PCDHGA10: variants seen among roughly 807,000 people sequenced by gnomAD.
The protein encoded by PCDHGA10 is protocadherin gamma-A10.
A neutral mutation model predicts 59.5 loss-of-function variants in PCDHGA10; 42 were observed. The ratio of observed to expected loss-of-function variants is 0.71; its 90% CI spans 0.55 to 0.91. PCDHGA10 has a LOEUF of 0.91. Among genes scored for constraint, PCDHGA10 ranks in the 40% least tolerant of loss-of-function variants. The pLI is 0.00. For missense variants in PCDHGA10, 1,111 were observed against 1,198.2 expected (o/e 0.93, Z 1.07); for synonymous variants, 511 against 517.2 (o/e 0.99, Z 0.16).
chr5:141,475,978 G>C, intron 1 of PCDHGA10: 1 of 1,010,712 alleles, frequency 9.9e-7, no homozygotes, highest in Non-Finnish European at 1.4e-6. Context: ...AGACTGAACA[G>C]CCGGCGAGCA....
rs572892456 is a variant in PCDHGA10, at chr5:141,427,959, C to T, written c.2436+12348C>T. On this transcript the variant is annotated intron_variant, in intron 1 of 3. Coordinates refer to ENST00000398610, the MANE Select transcript of PCDHGA10 (RefSeq NM_018913.3). Reference sequence around the variant, plus strand: ...GGGCGACCTCAATGACAATGTGCCGCGGGTGCTGTACCCCGCGCTGGGGCC... The same window carrying T: ...GGGCGACCTCAATGACAATGTGCCGTGGGTGCTGTACCCCGCGCTGGGGCC... 3.8e-6 allele frequency: 6 copies of T among 1,588,886 alleles called. No individual in the cohort carries two copies. The East Asian group carries it at 1.1e-4, about 30-fold the overall frequency.
chr5:141,494,901 G>C, intron 2 of PCDHGA10, 36 bp downstream of exon 2: 1 of 1,614,050 alleles, frequency 6.2e-7, no homozygotes, highest in Non-Finnish European at 8.5e-7. Context: ...CCTCTTCTCT[G>C]CGGCATTTTC....
chr5:141,475,867 G>A (rs2099377217), intron 1 of PCDHGA10: 1 of 504,884 alleles, frequency 2.0e-6, no homozygotes, highest in Non-Finnish European at 3.5e-6. Flanking sequence ...CTCATTCTTC[G>A]TGCAGTTATT....
intron 1 of PCDHGA10, among the ~76,000 whole-genome samples, chr5:141,461,233 G>T (rs2099011336): frequency 6.6e-6 from 1 of 152,028 alleles, no homozygotes; most frequent in East Asian, 1.9e-4. Context: ...CATAGAGGTT[G>T]TACTAATTTA....
intron 1 of PCDHGA10, among the ~76,000 whole-genome samples, chr5:141,434,616 T>C (rs911085192): frequency 1.3e-5 from 2 of 152,204 alleles, no homozygotes; most frequent in East Asian, 1.9e-4. Context: ...TCCGCCCATC[T>C]CTTCGTTTCC....
In PCDHGA10 at chr5:141,489,705, C is replaced by G; in HGVS notation, c.2437-5102C>G. The G allele has an allele frequency of 6.2e-7, 1 of 1,614,022 alleles. No homozygotes were observed. The highest frequency in any genetic ancestry group is 1.1e-5 in the South Asian group (1 of 91,074). ...CATCTGGGGCACGATTCCCACTGGA[C>G]AGTGCCCAGGATCCGGATGTGGGCA... On this transcript the variant is annotated intron_variant, in intron 1 of 3. Coordinates refer to ENST00000398610, the MANE Select transcript of PCDHGA10 (RefSeq NM_018913.3). The surrounding 1 kb of genome is among the most constrained non-coding windows in gnomAD (Gnocchi z 4.5).
chr5:141,449,497 G>A (rs903338878), intron 1 of PCDHGA10, among the ~76,000 whole-genome samples: 4 of 149,856 alleles, frequency 2.7e-5, no homozygotes, highest in African/African-American at 9.9e-5. Flanking sequence ...GGTGAGGCAT[G>A]AGAAATGCTT....
At chr5:141,443,475 G>T (rs994058112) in intron 1 of PCDHGA10, among the ~76,000 whole-genome samples, 1 of 152,148 alleles carries the variant, frequency 6.6e-6, no homozygotes, top group African/African-American at 2.4e-5. Flanking sequence ...GACAGAATTA[G>T]ACCCTGTCCC....
chr5:141,476,596 C>T lies in PCDHGA10; in HGVS notation c.2437-18211C>T. 1 of 1,614,224 alleles carries T rather than the reference C, an allele frequency of 6.2e-7. No homozygotes were observed. Among genetic ancestry groups the T allele is most frequent in the Non-Finnish European group, 8.5e-7 (1 of 1,180,038 alleles). On this transcript the variant is annotated intron_variant, in intron 1 of 3. Coordinates refer to ENST00000398610, the MANE Select transcript of PCDHGA10 (RefSeq NM_018913.3). The surrounding 1 kb of genome is among the most constrained non-coding windows in gnomAD (Gnocchi z 7.6). The stretch of plus-strand genomic sequence containing the variant: ...CGCGCTTTCCGCTCGAGAGCGCGCA[C>T]GATCCCGATGTGGGAAGCAACTCTT...
chr5:141,427,924 G>T, intron 1 of PCDHGA10: 1 of 1,580,140 alleles, frequency 6.3e-7, no homozygotes, highest in Non-Finnish European at 8.7e-7. Flanking sequence ...ATGAGCCGGC[G>T]CATGTTGGTG....
chr5:141,489,283 G>A lies in PCDHGA10; in HGVS notation c.2437-5524G>A. The A allele has an allele frequency of 6.4e-7, 1 of 1,569,594 alleles. No homozygotes were observed. Among genetic ancestry groups the A allele is most frequent in the Admixed American group, 1.8e-5 (1 of 55,646 alleles). ...CCCACAGCTCGCTGGGAAATGGCAA[G>A]TGCTGTGCATGTTGTCCTTGTGCTG... On this transcript the variant is annotated intron_variant, in intron 1 of 3. Coordinates refer to ENST00000398610, the MANE Select transcript of PCDHGA10 (RefSeq NM_018913.3). This position sits in a 1 kb window ranked among gnomAD's most constrained non-coding sequence, Gnocchi z 4.5.
chr5:141,489,271 G>A lies in PCDHGA10; in HGVS notation c.2437-5536G>A, dbSNP rs1431562179. The A allele has an allele frequency of 2.4e-5, 37 of 1,554,676 alleles. No individual in the cohort carries two copies. The highest frequency in any genetic ancestry group is 3.0e-5 in the Non-Finnish European group (35 of 1,150,770). ...GCCCAAGACACTCCCACAGCTCGCT[G>A]GGAAATGGCAAGTGCTGTGCATGTT... On this transcript the variant is annotated intron_variant, in intron 1 of 3. Transcript: ENST00000398610. The surrounding 1 kb of genome is among the most constrained non-coding windows in gnomAD (Gnocchi z 4.5).
At chr5:141,419,751 C>T (rs140649685) in intron 1 of PCDHGA10, 1 of 1,613,900 alleles carries the variant, frequency 6.2e-7, no homozygotes, top group African/African-American at 1.3e-5. Flanking sequence ...ATGGTGCGTG[C>T]TTTGGGTGAC....
At chr5:141,495,257 A>T (rs1411983517) in intron 2 of PCDHGA10, among the ~76,000 whole-genome samples, 1 of 152,200 alleles carries the variant, frequency 6.6e-6, no homozygotes, top group Non-Finnish European at 1.5e-5. Context: ...CTCAGGCAGA[A>T]AAGCATTTGA....
chr5:141,431,239 G>A lies in PCDHGA10; in HGVS notation c.2436+15628G>A. 6.2e-7 allele frequency: 1 copy of A among 1,614,152 alleles called. No homozygotes were observed. The highest frequency in any genetic ancestry group is 1.3e-5 in the African/African-American group (1 of 75,062). On this transcript the variant is annotated intron_variant, in intron 1 of 3. Transcript: ENST00000398610. This position sits in a 1 kb window ranked among gnomAD's most constrained non-coding sequence, Gnocchi z 4.8. ...TCCCTCTACCCCACGCCTGGGATCC[G>A]GATATCGGGAAGAACTCTCTGCAGA...
intron 1 of PCDHGA10, among the ~76,000 whole-genome samples, chr5:141,459,532 TA>T (rs1031834752): frequency 6.6e-5 from 10 of 152,354 alleles, no homozygotes; most frequent in East Asian, 3.9e-4. Context: ...TTTGTAGGCA[TA>T]TTTTTTTTAT....
In PCDHGA10 at chr5:141,486,017, A is replaced by G. The variant is rs746747518; in HGVS notation, c.2437-8790A>G. On this transcript the variant is annotated intron_variant, in intron 1 of 3. Transcript: ENST00000398610. The surrounding 1 kb of genome is among the most constrained non-coding windows in gnomAD (Gnocchi z 5.0). ...CAGTGGTAACGTCACCTTTTATTTC[A>G]GTGGTCATACCCCTGATCGTGTAAG... The G allele has an allele frequency of 6.2e-7, 1 of 1,614,176 alleles. No homozygotes were observed. The highest frequency in any genetic ancestry group is 1.7e-5 in the Admixed American group (1 of 60,026).
chr5:141,496,499 G>A (rs1417059875), intron 2 of PCDHGA10, among the ~76,000 whole-genome samples: 1 of 152,102 alleles, frequency 6.6e-6, no homozygotes, highest in Non-Finnish European at 1.5e-5. Context: ...AACCCTTGTT[G>A]CCACAAGGAC....
In PCDHGA10 at chr5:141,511,106, G is replaced by A. The variant is rs536900646; in HGVS notation, c.2744G>A (p.Arg915Gln). 4.6e-5 allele frequency: 75 copies of A among 1,614,196 alleles called. No individual in the cohort carries two copies. In the East Asian group the frequency reaches 5.8e-4, roughly 12 times the overall value. Reference protein sequence around the residue: ...NATLTNAAGKRDGKAPAGGNG... With the variant: ...NATLTNAAGKQDGKAPAGGNG... ...ACACTGACCAACGCAGCTGGCAAGC[G>A]GGATGGCAAGGCCCCAGCAGGTGGC... The change falls in exon 4 of 4, where the codon CGG (arginine) becomes CAG (glutamine). Residue 915 changes from arginine (R) to glutamine (Q), a missense_variant. Coordinates refer to ENST00000398610, the MANE Select transcript of PCDHGA10 (RefSeq NM_018913.3).
Sources: allele counts gnomAD v4.1 joint callset (sites outside exome capture counted in the v4.1 genomes callset), GRCh38; gene constraint gnomAD v4.1.1; non-coding constraint Gnocchi (gnomAD v3.1); transcripts MANE v1.5; gene names NCBI Gene and HGNC (gene_info 2026-07-23, HGNC 2026-07-21).